Variants in UPF3B observed in about 807,000 individuals in gnomAD.
UPF3B encodes regulator of nonsense transcripts 3B.
In UPF3B, 7 loss-of-function variants were observed where a neutral mutation model predicts 40.3. The ratio of observed to expected loss-of-function variants is 0.17; its 90% CI spans 0.10 to 0.33. UPF3B has a LOEUF of 0.33. Ranked by LOEUF, UPF3B falls within the 10% of genes least tolerant of loss-of-function variation. UPF3B has a pLI of 1.00. For synonymous variants in UPF3B, 117 were observed against 117.3 expected (o/e 1.00, Z 0.01); for missense variants, 229 against 358.9 (o/e 0.64, Z 2.93).
At chrX:119,807,135 C>T (rs995972114) in intron 6 of UPF3B, among the ~76,000 whole-genome samples, 3 of 109,678 alleles carry the variant, frequency 2.7e-5, no homozygotes, top group Admixed American at 2.0e-4. Context: ...TCGTGTCATA[C>T]GTAATGAAGT....
At chrX:119,814,145 A>G (rs1415679543) in intron 5 of UPF3B, among the ~76,000 whole-genome samples, 1 of 112,070 alleles carries the variant, frequency 8.9e-6, no homozygotes, top group African/African-American at 3.2e-5. Context: ...TGACATCAAA[A>G]CAAAACAAGC....
At chrX:119,821,048 C>G (rs904696991) in intron 4 of UPF3B, among the ~76,000 whole-genome samples, 2 of 111,320 alleles carry the variant, frequency 1.8e-5, no homozygotes, top group African/African-American at 6.5e-5. Flanking sequence ...TAGGTGGGGC[C>G]TGGTGGGGTA....
In UPF3B at chrX:119,838,057, T is replaced by A; in HGVS notation, c.1008-6A>T. The stretch of plus-strand genomic sequence containing the variant: ...TGCCGCTCTCATCTTCAGGTCTGCA[T>A]GAAAAACAAATCTGAGACAGAACCC... On this transcript the variant is annotated splice_region_variant and splice_polypyrimidine_tract_variant and intron_variant, in intron 9 of 10. Transcript: ENST00000276201. 1 of 1,210,232 alleles carries A rather than the reference T, an allele frequency of 8.3e-7. No individual in the cohort carries two copies. Among genetic ancestry groups the A allele is most frequent in the Non-Finnish European group, 1.1e-6 (1 of 895,252 alleles).
downstream of UPF3B, among the ~76,000 whole-genome samples, chrX:119,829,301 C>G (rs1258962222): frequency 8.9e-6 from 1 of 112,365 alleles, no homozygotes; most frequent in Non-Finnish European, 1.9e-5. Flanking sequence ...TTACAGGCGT[C>G]AGCCACCCTG....
rs181064563 is a variant in UPF3B at position 119,827,773 on chromosome X, C to T, written c.392+3879G>A. On this transcript the variant is annotated intron_variant, in intron 3 of 6. Coordinates refer to the UPF3B transcript ENST00000636792. ...TTTGAGATGGAGTCTCACAGTGTCACCCAGGCTGGAGTGCAGCAGTGCGAT... is the reference window on the plus strand; with the variant it reads ...TTTGAGATGGAGTCTCACAGTGTCATCCAGGCTGGAGTGCAGCAGTGCGAT... Among the ~76,000 whole-genome samples, 3 of 110,976 alleles carry T rather than the reference C, an allele frequency of 2.7e-5. 1 individual carries two copies. In the Admixed American group the frequency reaches 2.9e-4, roughly 11 times the overall value.
intron 6 of UPF3B, among the ~76,000 whole-genome samples, chrX:119,806,281 A>G (rs1281602513): frequency 1.1e-5 from 1 of 93,922 alleles, no homozygotes; most frequent in Non-Finnish European, 2.1e-5. Context: ...GGAATTGAAC[A>G]ATGAGATCAC....
intron 3 of UPF3B, among the ~76,000 whole-genome samples, chrX:119,848,307 A>G (rs2056259480): frequency 9.8e-6 from 1 of 102,287 alleles, no homozygotes; most frequent in Non-Finnish European, 2.0e-5. Context: ...AAAAAAAAAG[A>G]TGAAAATTCT....
chrX:119,849,264 CG>C (rs1364952921), intron 3 of UPF3B, among the ~76,000 whole-genome samples: 1 of 110,713 alleles, frequency 9.0e-6, no homozygotes, highest in African/African-American at 3.3e-5. Flanking sequence ...GAGGCTGAGG[CG>C]GGTGGATTGC....
intron 8 of UPF3B, among the ~76,000 whole-genome samples, chrX:119,839,987 T>C (rs2496207): frequency 0.18 from 20,261 of 110,564 alleles, 3,053 homozygotes; most frequent in African/African-American, 0.51. Flanking sequence ...CCCCTCATCA[T>C]CAGTAATGAG....
intron 7 of UPF3B, 128 bp from the exon 8 acceptor site, chrX:119,840,812 T>C (rs1263307983): frequency 1.6e-5 from 11 of 700,140 alleles, no homozygotes; most frequent in African/African-American, 6.5e-5. Context: ...TAGAGGACAA[T>C]AGTCTAAAAA....
At position 119,838,397 on chromosome X, in the gene UPF3B, T is replaced by C; in HGVS notation, c.977A>G (p.Asp326Gly). The stretch of plus-strand genomic sequence containing the variant: ...TGGTTTTTCATCTTTAAGTTCGCTA[T>C]CAGAACGCTTGGGCAATGTACAACT... ...GQSCTLPKRSDSELKDEKPKR... is the reference protein window; with the variant it reads ...GQSCTLPKRSGSELKDEKPKR... Residue 326 changes from aspartate to glycine, a missense_variant, in exon 9 of 11, where the codon GAT becomes GGT. Transcript: ENST00000276201. 8.3e-7 allele frequency: 1 copy of C among 1,212,039 alleles called. No individual in the cohort carries two copies. The highest frequency in any genetic ancestry group is 1.1e-6 in the Non-Finnish European group (1 of 895,554).
At chrX:119,820,472 G>T (rs1447425155) in intron 4 of UPF3B, among the ~76,000 whole-genome samples, 1 of 104,666 alleles carries the variant, frequency 9.6e-6, no homozygotes, top group Non-Finnish European at 1.9e-5. Context: ...GTGGTGGTGA[G>T]GGGGGCAGAT....
At chrX:119,824,764 C>CTTTTTTTTTTTTTTTTTTTTT (rs11351287) in intron 3 of UPF3B, among the ~76,000 whole-genome samples, 1 of 65,646 alleles carries the variant, frequency 1.5e-5, no homozygotes, top group Non-Finnish European at 2.7e-5. Flanking sequence ...CCATTTCTTT[C>CTTTTTTTTTTTTTTTTTTTTT]TTTTTTTTTT....
At position 119,821,359 on chromosome X, in the gene UPF3B, C is replaced by T. The variant is rs186677374; in HGVS notation, c.494+1583G>A. Among the ~76,000 whole-genome samples, 408 of 112,859 alleles carry T rather than the reference C, an allele frequency of 3.6e-3. 3 individuals carry two copies. The highest frequency in any genetic ancestry group is 4.6e-3 in the Middle Eastern group (1 of 218). On this transcript the variant is annotated intron_variant, in intron 4 of 6. Coordinates refer to the UPF3B transcript ENST00000636792. ...GCATTTATTTATAGCAATGCAAGAA[C>T]GGCCTAATACAGGAGTGAACCATGA...
intron 3 of UPF3B, among the ~76,000 whole-genome samples, chrX:119,845,989 A>T (rs5910683): frequency 4.0e-4 from 41 of 101,786 alleles, no homozygotes; most frequent in East Asian, 7.3e-4. Flanking sequence ...TATGTATACA[A>T]TATGTATACA....
chrX:119,810,748 A>G (rs2055822008), intron 5 of UPF3B, among the ~76,000 whole-genome samples: 2 of 111,411 alleles, frequency 1.8e-5, no homozygotes, highest in Non-Finnish European at 3.8e-5. Flanking sequence ...TTCACCCTAC[A>G]GTTGGTATTT....
chrX:119,819,855 T>TC (rs1347832540), intron 4 of UPF3B, among the ~76,000 whole-genome samples: 4 of 98,998 alleles, frequency 4.0e-5, no homozygotes, highest in Non-Finnish European at 8.2e-5. Context: ...TTTTTTTTTT[T>TC]TTTTTTTGAG....
chrX:119,826,077 C>T (rs2055975377), intron 3 of UPF3B, among the ~76,000 whole-genome samples: 1 of 112,006 alleles, frequency 8.9e-6, no homozygotes. Context: ...AGGAGAATCG[C>T]TTGTGCCCGG....
intron 10 of UPF3B, among the ~76,000 whole-genome samples, chrX:119,836,841 G>A (rs2056099751): frequency 2.8e-5 from 3 of 108,143 alleles, no homozygotes; most frequent in African/African-American, 1.0e-4. Context: ...TAGTAGAGAT[G>A]GGGTTTCACC....
Sources: allele counts gnomAD v4.1 joint callset (sites outside exome capture counted in the v4.1 genomes callset), GRCh38; gene constraint gnomAD v4.1.1; transcripts MANE v1.5; gene names NCBI Gene and HGNC (gene_info 2026-07-23, HGNC 2026-07-21).